Variants in SHC3 observed in about 807,000 individuals in gnomAD.
SHC3 encodes the protein SHC-transforming protein 3.
Under a neutral mutation model 60.4 loss-of-function variants are expected in SHC3, and 15 were observed. The observed-to-expected ratio is 0.25, with a 90% confidence interval of 0.17 to 0.38. The LOEUF is 0.38. Among genes scored for constraint, SHC3 ranks in the 10% least tolerant of loss-of-function variants. The pLI is 1.00. For missense variants in SHC3, 677 were observed against 786.1 expected (o/e 0.86, Z 1.66); for synonymous variants, 294 against 325.9 (o/e 0.90, Z 1.05).
chr9:89,072,089 G>A (rs1375955312), intron 4 of SHC3, among the ~76,000 whole-genome samples: 1 of 152,184 alleles, frequency 6.6e-6, no homozygotes, highest in Non-Finnish European at 1.5e-5. Context: ...TCTTATGTAT[G>A]GTTTGCAATA....
intron 2 of SHC3, among the ~76,000 whole-genome samples, chr9:89,103,159 G>T (rs559220190): frequency 6.6e-6 from 1 of 152,180 alleles, no homozygotes; most frequent in East Asian, 1.9e-4. Context: ...GATAAGCAAC[G>T]ATGTTTAATA....
At chr9:89,023,198 G>A (rs1826234393) in intron 11 of SHC3, among the ~76,000 whole-genome samples, 1 of 152,248 alleles carries the variant, frequency 6.6e-6, no homozygotes, top group African/African-American at 2.4e-5. Flanking sequence ...CCCTTCAGGA[G>A]TCAGCAGCCC....
chr9:89,140,357 C>T (rs1826376054), intron 1 of SHC3, among the ~76,000 whole-genome samples: 1 of 151,996 alleles, frequency 6.6e-6, no homozygotes, highest in Non-Finnish European at 1.5e-5. Flanking sequence ...ATTAAGGGTC[C>T]TGCTTTTATA....
At chr9:89,021,220 G>A (rs1337518861) in intron 11 of SHC3, among the ~76,000 whole-genome samples, 2 of 152,140 alleles carry the variant, frequency 1.3e-5, no homozygotes, top group East Asian at 3.8e-4. Context: ...GATTTTTCAG[G>A]AGCTCTGCAG....
intron 1 of SHC3, among the ~76,000 whole-genome samples, chr9:89,168,087 A>G (rs1826816330): frequency 6.6e-6 from 1 of 152,252 alleles, no homozygotes; most frequent in Admixed American, 6.5e-5. Flanking sequence ...GCAGAGTCAC[A>G]GTTTATCCAT....
intron 8 of SHC3, 35 bp downstream of exon 8, chr9:89,046,809 C>T: frequency 1.4e-6 from 2 of 1,466,390 alleles, no homozygotes; most frequent in South Asian, 1.6e-5. Flanking sequence ...AGTTAGCCTC[C>T]ATTCCTTATA....
In SHC3 at chr9:89,045,815, T is replaced by C. The variant is rs1564097396; in HGVS notation, c.1132A>G (p.Thr378Ala). The C allele has an allele frequency of 6.2e-7, 1 of 1,614,132 alleles. No individual in the cohort carries two copies. Among genetic ancestry groups the C allele is most frequent in the Admixed American group, 1.7e-5 (1 of 60,016 alleles). The change falls in exon 9 of 12, where the codon ACT (threonine) becomes GCT (alanine). Residue 378 changes from threonine (T) to alanine (A), a missense_variant. By Grantham distance (58) the Thr-to-Ala change is moderately conservative. Coordinates refer to ENST00000375835, the MANE Select transcript of SHC3 (RefSeq NM_016848.6). The part of the protein sequence containing the change: ...DTAQFAGKEQ[T>A]YYQGRHLGDT... ...CCTAAGTGTCTTCCCTGGTAATAAG[T>C]CTGCTCTTTTCCTGCAAACTATAGA...
intron 6 of SHC3, among the ~76,000 whole-genome samples, chr9:89,061,728 A>G (rs1825093368): frequency 6.6e-6 from 1 of 152,238 alleles, no homozygotes; most frequent in Non-Finnish European, 1.5e-5. Flanking sequence ...TAAGTTTTAA[A>G]TTGCACGCCA....
At chr9:89,074,617 T>C (rs749284838) in intron 4 of SHC3, among the ~76,000 whole-genome samples, 31 of 135,138 alleles carry the variant, frequency 2.3e-4, no homozygotes, top group Non-Finnish European at 6.1e-5. Context: ...GGCTATTCCA[T>C]AGACAACACC....
chr9:89,138,130 G>A (rs768560999), intron 1 of SHC3, among the ~76,000 whole-genome samples: 1 of 152,164 alleles, frequency 6.6e-6, no homozygotes, highest in African/African-American at 2.4e-5. Flanking sequence ...ACATGCATCT[G>A]AGGGCAAGGG....
chr9:89,157,488 C>T (rs1355366577), intron 1 of SHC3, among the ~76,000 whole-genome samples: 2 of 152,198 alleles, frequency 1.3e-5, no homozygotes, highest in Admixed American at 6.5e-5. Context: ...GGCAGACTTC[C>T]GACCTCCAGA....
intron 10 of SHC3, among the ~76,000 whole-genome samples, chr9:89,039,401 T>G (rs1271463347): frequency 6.6e-6 from 1 of 152,250 alleles, no homozygotes; most frequent in Non-Finnish European, 1.5e-5. Flanking sequence ...GATTTGGAGA[T>G]AAAAATAAGT....
intron 2 of SHC3, among the ~76,000 whole-genome samples, chr9:89,101,855 G>A (rs147978183): frequency 6.6e-6 from 1 of 151,962 alleles, no homozygotes; most frequent in Admixed American, 6.5e-5. Flanking sequence ...AAAATAAACT[G>A]GAAAGTGTTC....
chr9:89,047,085 AAG>A, intron 7 of SHC3, 91 bp from the exon 8 acceptor site: 2 of 1,382,254 alleles, frequency 1.4e-6, no homozygotes, highest in Admixed American at 2.6e-5. Flanking sequence ...TTATTAAGAA[AAG>A]AGAGTTTAGT....
chr9:89,108,540 T>TACACAC (rs141450227), intron 2 of SHC3, among the ~76,000 whole-genome samples: 7 of 148,042 alleles, frequency 4.7e-5, no homozygotes, highest in Non-Finnish European at 7.5e-5. Context: ...TGCATATACA[T>TACACAC]ACACACACAC....
At chr9:89,105,873 C>T (rs1221068111) in intron 2 of SHC3, among the ~76,000 whole-genome samples, 2 of 152,114 alleles carry the variant, frequency 1.3e-5, no homozygotes, top group African/African-American at 2.4e-5. Flanking sequence ...AGAAAAAACA[C>T]CCTGGAATGA....
intron 11 of SHC3, among the ~76,000 whole-genome samples, chr9:89,016,846 G>A (rs908305406): frequency 6.6e-5 from 10 of 152,230 alleles, no homozygotes; most frequent in South Asian, 2.1e-4. Context: ...TCAGGTATGC[G>A]AAGTTGGTCC....
chr9:89,028,202 T>C (rs1028644571), intron 11 of SHC3, among the ~76,000 whole-genome samples: 2 of 151,974 alleles, frequency 1.3e-5, no homozygotes, highest in Admixed American at 6.6e-5. Flanking sequence ...CCACATCACC[T>C]CCACACACAC....
chr9:89,151,165 T>C (rs1826540760), intron 1 of SHC3, among the ~76,000 whole-genome samples: 1 of 152,118 alleles, frequency 6.6e-6, no homozygotes, highest in Non-Finnish European at 1.5e-5. Flanking sequence ...ACTACAGGCA[T>C]GTGACACGGT....
Sources: gnomAD v4.1 joint callset for allele counts (sites outside exome capture counted in the v4.1 genomes callset) on GRCh38, gnomAD v4.1.1 for gene constraint, MANE v1.5 for transcripts, NCBI Gene and HGNC (gene_info 2026-07-23, HGNC 2026-07-21) for gene names.